Variants in EYS observed in about 807,000 individuals in gnomAD.
The protein encoded by EYS is protein eyes shut homolog.
A neutral mutation model predicts 282.1 loss-of-function variants in EYS; 250 were observed. The ratio of observed to expected loss-of-function variants is 0.89; its 90% CI spans 0.80 to 0.98. The LOEUF is 0.98. Ranked by LOEUF, EYS falls within the 50% of genes least tolerant of loss-of-function variation. The probability of loss-of-function intolerance (pLI) is 0.00; values close to 1 mark genes in which losing one functional copy is unlikely to be tolerated. For missense variants in EYS, 4,016 were observed against 3,709.0 expected (o/e 1.08, Z -2.15); for synonymous variants, 1,355 against 1,282.9 (o/e 1.06, Z -1.20).
In EYS at chr6:64,865,755, T is replaced by C. The variant is rs202042470; in HGVS notation, c.2992+20942A>G. On this transcript the variant is annotated intron_variant, in intron 19 of 42. Coordinates refer to ENST00000503581, the MANE Select transcript of EYS (RefSeq NM_001142800.2). The stretch of plus-strand genomic sequence containing the variant: ...GAAACACAGATATCTGTTGGGAATC[T>C]AGATTTTAGGACTCAATGAAGGATA... 4.6e-5 allele frequency among the ~76,000 whole-genome samples: 7 copies of C among 152,078 alleles called. No individual in the cohort carries two copies. In the East Asian group the frequency reaches 1.3e-3, roughly 29 times the overall value.
intron 31 of EYS, among the ~76,000 whole-genome samples, chr6:64,104,401 T>G (rs995830319): frequency 1.7e-4 from 26 of 152,186 alleles, no homozygotes; most frequent in African/African-American, 5.8e-4. Flanking sequence ...TGTATGTACA[T>G]GTGCAATAGC....
intron 12 of EYS, among the ~76,000 whole-genome samples, chr6:65,107,950 T>C (rs938110626): frequency 6.6e-6 from 1 of 152,162 alleles, no homozygotes; most frequent in African/African-American, 2.4e-5. Flanking sequence ...TTCTTAAATG[T>C]ATCACACATA....
chr6:64,558,457 C>A (rs2149810103), intron 26 of EYS, among the ~76,000 whole-genome samples: 1 of 152,058 alleles, frequency 6.6e-6, no homozygotes, highest in East Asian at 1.9e-4. Flanking sequence ...CTCTTCACCC[C>A]AAAATGTCAA....
intron 13 of EYS, among the ~76,000 whole-genome samples, chr6:65,024,813 A>AT (rs1281450367): frequency 2.6e-5 from 4 of 152,280 alleles, no homozygotes; most frequent in Admixed American, 1.3e-4. Context: ...CTTCAAAATG[A>AT]TTTTTTTAAA....
At chr6:65,666,101 G>C (rs7741090) in intron 1 of EYS, among the ~76,000 whole-genome samples, 1 of 151,522 alleles carries the variant, frequency 6.6e-6, no homozygotes, top group Non-Finnish European at 1.5e-5. Flanking sequence ...GTGGTAATTT[G>C]GATTTATGTT....
At chr6:64,049,942 C>T (rs1217633590) in intron 33 of EYS, among the ~76,000 whole-genome samples, 1 of 152,144 alleles carries the variant, frequency 6.6e-6, no homozygotes, top group Non-Finnish European at 1.5e-5. Flanking sequence ...AGAGCCAGCA[C>T]ACACTCCAGG....
chr6:64,700,128 A>G (rs561615357), intron 22 of EYS, among the ~76,000 whole-genome samples: 3 of 152,052 alleles, frequency 2.0e-5, no homozygotes, highest in Admixed American at 6.6e-5. Flanking sequence ...ATTAAAATTT[A>G]AAACCATATA....
At chr6:64,579,718 T>A (rs1765999588) in intron 26 of EYS, among the ~76,000 whole-genome samples, 1 of 152,124 alleles carries the variant, frequency 6.6e-6, no homozygotes, top group Non-Finnish European at 1.5e-5. Context: ...ATTCTCAGTG[T>A]AGAACTGATA....
chr6:64,676,641 A>G (rs182416666), intron 22 of EYS, among the ~76,000 whole-genome samples: 3 of 152,302 alleles, frequency 2.0e-5, no homozygotes, highest in East Asian at 3.9e-4. Flanking sequence ...TGCTATAGCA[A>G]AACACCATAG....
In EYS at chr6:64,599,370, G is replaced by A. The variant is rs1052794232; in HGVS notation, c.3685-6061C>T. 4.6e-5 allele frequency among the ~76,000 whole-genome samples: 7 copies of A among 152,282 alleles called. No individual in the cohort carries two copies. In the South Asian group the frequency reaches 6.2e-4, roughly 14 times the overall value. ...AGTAAAGTTTGTATTCAGGGTATAC[G>A]TGGAAGGCAGAGCCTATAATACATG... On this transcript the variant is annotated intron_variant, in intron 24 of 42. Coordinates refer to ENST00000503581, the MANE Select transcript of EYS (RefSeq NM_001142800.2).
At chr6:65,306,405 T>G (rs1438199980) in intron 11 of EYS, among the ~76,000 whole-genome samples, 1 of 152,190 alleles carries the variant, frequency 6.6e-6, no homozygotes, top group Admixed American at 6.5e-5. Flanking sequence ...CATCTTCAGC[T>G]GACTGAATGT....
intron 29 of EYS, among the ~76,000 whole-genome samples, chr6:64,381,917 C>T: frequency 6.6e-6 from 1 of 152,188 alleles, no homozygotes; most frequent in East Asian, 1.9e-4. Context: ...TTCCTTTACT[C>T]ATCATCATGG....
At chr6:64,451,413 C>T (rs1315002662) in intron 26 of EYS, among the ~76,000 whole-genome samples, 6 of 152,102 alleles carry the variant, frequency 3.9e-5, no homozygotes, top group Admixed American at 6.6e-5. Context: ...GATTCACAGC[C>T]GAATTCTACC....
intron 14 of EYS, among the ~76,000 whole-genome samples, chr6:64,973,940 T>G (rs148689721): frequency 6.6e-6 from 1 of 151,970 alleles, no homozygotes; most frequent in African/African-American, 2.4e-5. Flanking sequence ...ATAATTCATT[T>G]TTTCCCTCAA....
At chr6:64,988,234 G>T (rs1184640189) in intron 14 of EYS, among the ~76,000 whole-genome samples, 1 of 151,336 alleles carries the variant, frequency 6.6e-6, no homozygotes, top group Admixed American at 6.6e-5. Context: ...TTGATACCTG[G>T]AGAGAGAGAG....
At chr6:64,969,999 G>T (rs1199199046) in intron 14 of EYS, among the ~76,000 whole-genome samples, 3 of 152,038 alleles carry the variant, frequency 2.0e-5, no homozygotes, top group Non-Finnish European at 4.4e-5. Context: ...TAATAAGAAT[G>T]TAATACAGTT....
chr6:63,895,004 G>A (rs1278067004), intron 35 of EYS, among the ~76,000 whole-genome samples: 1 of 151,820 alleles, frequency 6.6e-6, no homozygotes, highest in Non-Finnish European at 1.5e-5. Flanking sequence ...ATTGAGACTT[G>A]CCTGGCCGTC....
chr6:64,830,502 G>T (rs1352670499), intron 19 of EYS, among the ~76,000 whole-genome samples: 1 of 151,942 alleles, frequency 6.6e-6, no homozygotes, highest in Non-Finnish European at 1.5e-5. Flanking sequence ...TTAACTGTCA[G>T]GCATGAGTTT....
At chr6:64,547,591 A>C (rs1764920912) in intron 26 of EYS, among the ~76,000 whole-genome samples, 1 of 152,164 alleles carries the variant, frequency 6.6e-6, no homozygotes, top group East Asian at 1.9e-4. Context: ...CAATTGGTGT[A>C]TTTACAATCC....
Sources: gnomAD v4.1 joint callset for allele counts (sites outside exome capture counted in the v4.1 genomes callset) on GRCh38, gnomAD v4.1.1 for gene constraint, MANE v1.5 for transcripts, NCBI Gene and HGNC (gene_info 2026-07-23, HGNC 2026-07-21) for gene names.